Variants in PCCA observed in about 807,000 individuals in gnomAD.
PCCA encodes propionyl-CoA carboxylase alpha chain, mitochondrial.
In PCCA, 74 loss-of-function variants were observed where a neutral mutation model predicts 101.3. The ratio of observed to expected loss-of-function variants is 0.73; its 90% CI spans 0.61 to 0.89. The LOEUF (loss-of-function observed/expected upper bound fraction) is 0.89, where lower values mean the gene tolerates loss of function less well. Ranked by LOEUF, PCCA falls within the 40% of genes least tolerant of loss-of-function variation. PCCA has a pLI of 0.00. For missense variants in PCCA, 891 were observed against 907.0 expected (o/e 0.98, Z 0.23); for synonymous variants, 294 against 313.6 (o/e 0.94, Z 0.66).
At chr13:100,203,762 C>T (rs2058683834) in intron 6 of PCCA, among the ~76,000 whole-genome samples, 1 of 152,246 alleles carries the variant, frequency 6.6e-6, no homozygotes, top group South Asian at 2.1e-4. Context: ...ATTGGTTTTT[C>T]TCTACATTTC....
At chr13:100,334,326 G>T (rs1421402834) in intron 17 of PCCA, among the ~76,000 whole-genome samples, 4 of 152,182 alleles carry the variant, frequency 2.6e-5, no homozygotes, top group African/African-American at 9.7e-5. Flanking sequence ...TAAAGAAATT[G>T]GTTGTACCCT....
At chr13:100,445,514 A>G (rs1566323394) in intron 20 of PCCA, among the ~76,000 whole-genome samples, 2 of 152,170 alleles carry the variant, frequency 1.3e-5, no homozygotes, top group South Asian at 2.1e-4. Flanking sequence ...ATATTGTATA[A>G]TAGCTTTCTC....
At chr13:100,381,108 G>C (rs1490219454) in intron 19 of PCCA, among the ~76,000 whole-genome samples, 2 of 152,226 alleles carry the variant, frequency 1.3e-5, no homozygotes, top group East Asian at 3.8e-4. Context: ...TGGTAGGCCA[G>C]GTGCGGTGGC....
chr13:100,246,288 A>T (rs948133476), intron 8 of PCCA, among the ~76,000 whole-genome samples: 1 of 121,966 alleles, frequency 8.2e-6, no homozygotes, highest in Admixed American at 7.9e-5. Context: ...ATTTTGACTC[A>T]TATGTTATTT....
At chr13:100,354,129 C>T (rs761404741) in intron 18 of PCCA, among the ~76,000 whole-genome samples, 4 of 133,506 alleles carry the variant, frequency 3.0e-5, no homozygotes, top group Admixed American at 7.5e-5. Context: ...TAAAATAATT[C>T]GCTGGGTGTG....
At chr13:100,488,173 A>C in intron 21 of PCCA, among the ~76,000 whole-genome samples, 1 of 152,130 alleles carries the variant, frequency 6.6e-6, no homozygotes, top group Admixed American at 6.5e-5. Flanking sequence ...GGCTCACCGC[A>C]ACCTCTGCCC....
chr13:100,259,609 A>C (rs2062337800), intron 9 of PCCA, among the ~76,000 whole-genome samples: 1 of 152,102 alleles, frequency 6.6e-6, no homozygotes, highest in Non-Finnish European at 1.5e-5. Flanking sequence ...CTGGGATTAC[A>C]GGCGTGCACC....
chr13:100,270,811 C>G (rs1290146356), intron 11 of PCCA, among the ~76,000 whole-genome samples: 2 of 151,922 alleles, frequency 1.3e-5, no homozygotes, highest in African/African-American at 2.4e-5. Context: ...GAGTTTGAGA[C>G]CAGCCTGGAC....
chr13:100,352,028 A>C (rs1442980173), intron 18 of PCCA, among the ~76,000 whole-genome samples: 1 of 152,212 alleles, frequency 6.6e-6, no homozygotes, highest in Non-Finnish European at 1.5e-5. Flanking sequence ...GTATTAGTAA[A>C]AGAAAAGTCA....
intron 21 of PCCA, among the ~76,000 whole-genome samples, chr13:100,477,040 A>G (rs1290067972): frequency 3.9e-5 from 6 of 152,186 alleles, no homozygotes; most frequent in African/African-American, 1.4e-4. Flanking sequence ...ATTCTATCCC[A>G]TCTGTTTATA....
At chr13:100,256,530 A>G (rs2062087901) in intron 8 of PCCA, among the ~76,000 whole-genome samples, 1 of 152,212 alleles carries the variant, frequency 6.6e-6, no homozygotes. Flanking sequence ...AACAGAAAAA[A>G]ATTTTAATTG....
intron 19 of PCCA, among the ~76,000 whole-genome samples, chr13:100,406,618 C>T (rs1285698486): frequency 3.3e-5 from 5 of 152,166 alleles, no homozygotes; most frequent in African/African-American, 4.8e-5. Context: ...GTAGGAGAAT[C>T]GCTTGAACCG....
chr13:100,096,469 A>G (rs1420849531), intron 1 of PCCA, among the ~76,000 whole-genome samples: 1 of 152,156 alleles, frequency 6.6e-6, no homozygotes, highest in Non-Finnish European at 1.5e-5. Flanking sequence ...CTGAGATACA[A>G]CAATATTGAA....
chr13:100,146,882 C>G (rs572148585), intron 4 of PCCA, among the ~76,000 whole-genome samples: 1 of 151,426 alleles, frequency 6.6e-6, no homozygotes, highest in South Asian at 2.1e-4. Context: ...TTTAGGGAAG[C>G]TTATTGCAGC....
chr13:100,176,534 T>C (rs566134555), intron 6 of PCCA, among the ~76,000 whole-genome samples: 2 of 152,342 alleles, frequency 1.3e-5, no homozygotes, highest in South Asian at 2.1e-4. Context: ...TGTCTACTTA[T>C]TTATCTTTGT....
At chr13:100,334,203 A>T (rs1457476370) in intron 17 of PCCA, among the ~76,000 whole-genome samples, 1 of 152,042 alleles carries the variant, frequency 6.6e-6, no homozygotes, top group Non-Finnish European at 1.5e-5. Context: ...CTCTCCGGGG[A>T]CTCTCTCCAT....
intron 19 of PCCA, among the ~76,000 whole-genome samples, chr13:100,371,548 G>T (rs746043563): frequency 2.6e-5 from 4 of 152,164 alleles, no homozygotes; most frequent in Non-Finnish European, 5.9e-5. Context: ...CCCAGCCTGG[G>T]CAACACAGCA....
Position 100,089,094 on chromosome 13 carries a change from GC to G in PCCA, c.-26del. The G allele has an allele frequency of 6.9e-7, 1 of 1,458,328 alleles. No homozygotes were observed. Among genetic ancestry groups the G allele is most frequent in the Non-Finnish European group, 9.1e-7 (1 of 1,098,416 alleles). The allele number at this position is 1,458,328 out of a possible 1,614,324, so 90.3% of individuals were successfully genotyped here. On this transcript the variant is annotated 5_prime_UTR_variant, in exon 1 of 24. Transcript: ENST00000376285. ...CCCCCTCCGGCTGTGTGAGAGGTCA[GC>G]AGAGGGGCGGTCTGCGGGGACAACA... is the stretch of plus-strand genomic sequence containing the variant.
At chr13:100,389,958 G>A (rs867408557) in intron 19 of PCCA, among the ~76,000 whole-genome samples, 2 of 152,170 alleles carry the variant, frequency 1.3e-5, no homozygotes, top group South Asian at 2.1e-4. Flanking sequence ...TCATGATGGA[G>A]AATAGGTTTG....
Sources: allele counts gnomAD v4.1 joint callset (sites outside exome capture counted in the v4.1 genomes callset), GRCh38; gene constraint gnomAD v4.1.1; transcripts MANE v1.5; gene names NCBI Gene and HGNC (gene_info 2026-07-23, HGNC 2026-07-21).